DCAF8: variants seen among roughly 807,000 people sequenced by gnomAD.
DCAF8 encodes DDB1- and CUL4-associated factor 8.
Under a neutral mutation model 68.0 loss-of-function variants are expected in DCAF8, and 20 were observed. The ratio of observed to expected loss-of-function variants is 0.29; its 90% CI spans 0.21 to 0.43. The LOEUF (loss-of-function observed/expected upper bound fraction) is 0.43, where lower values mean the gene tolerates loss of function less well. Among genes scored for constraint, DCAF8 ranks in the 20% least tolerant of loss-of-function variants. The probability of loss-of-function intolerance (pLI) is 1.00; values close to 1 mark genes in which losing one functional copy is unlikely to be tolerated. For synonymous variants in DCAF8, 230 were observed against 276.9 expected (o/e 0.83, Z 1.68); for missense variants, 460 against 771.0 (o/e 0.60, Z 4.78).
At chr1:160,223,328 A>G (rs910048967) in intron 10 of DCAF8, among the ~76,000 whole-genome samples, 3 of 152,190 alleles carry the variant, frequency 2.0e-5, no homozygotes, top group African/African-American at 4.8e-5. Flanking sequence ...TGGCCATGAG[A>G]CTGGCACCCT....
At chr1:160,244,230 A>G (rs1656231421) in intron 2 of DCAF8, among the ~76,000 whole-genome samples, 196 bp from the exon 3 acceptor site, 1 of 152,224 alleles carries the variant, frequency 6.6e-6, no homozygotes, top group Non-Finnish European at 1.5e-5. Flanking sequence ...TAAAATCCAT[A>G]TAATGATATA....
At chr1:160,244,358 G>A (rs1656236199) in intron 2 of DCAF8, among the ~76,000 whole-genome samples, 1 of 152,194 alleles carries the variant, frequency 6.6e-6, no homozygotes, top group African/African-American at 2.4e-5. Context: ...CATATCAAAT[G>A]ACAGGTACTG....
chr1:160,233,565 A>C (rs911592318), intron 6 of DCAF8, among the ~76,000 whole-genome samples: 1 of 152,156 alleles, frequency 6.6e-6, no homozygotes, highest in African/African-American at 2.4e-5. Context: ...CTCTAATATG[A>C]GTTTTAGACA....
chr1:160,256,459 C>T (rs1234267600), intron 2 of DCAF8, among the ~76,000 whole-genome samples: 1 of 151,802 alleles, frequency 6.6e-6, no homozygotes, highest in East Asian at 1.9e-4. Context: ...GTAAGGTTAA[C>T]AAAACATACC....
intron 2 of DCAF8, among the ~76,000 whole-genome samples, chr1:160,257,893 C>CA (rs1553198835): frequency 5.3e-5 from 8 of 151,738 alleles, no homozygotes; most frequent in South Asian, 2.1e-4. Context: ...CCATGCTTGG[C>CA]TTTTTTTTTA....
At position 160,255,615 on chromosome 1, in the gene DCAF8, TG is replaced by T. The variant is rs892910303; in HGVS notation, c.-27+5669del. On this transcript the variant is annotated intron_variant, in intron 2 of 13. Transcript: ENST00000368074. The stretch of plus-strand genomic sequence containing the variant: ...TTTATAGTTTACTGGCTTTAATTAT[TG>T]TTTTTTTATTTTTATTTTTTTGAGA... 1.2e-4 allele frequency among the ~76,000 whole-genome samples: 18 copies of T among 152,276 alleles called. 1 individual carries two copies. Among genetic ancestry groups the T allele is most frequent in the Admixed American group, 9.8e-4 (15 of 15,290 alleles).
chr1:160,238,829 T>A (rs1180132362), intron 4 of DCAF8, 82 bp from the exon 5 acceptor site: 1 of 1,340,914 alleles, frequency 7.5e-7, no homozygotes, highest in Non-Finnish European at 1.0e-6. Context: ...GATGATGACC[T>A]CAACTTACCC....
rs1655393467 is a variant in DCAF8, at chr1:160,224,207, C to T, written c.1309+235G>A. Among the ~76,000 whole-genome samples, 5 of 152,336 alleles carry T rather than the reference C, an allele frequency of 3.3e-5. No individual in the cohort carries two copies. The South Asian group carries it at 1.0e-3, about 32-fold the overall frequency. ...ATCTTAAAAACAGTTAGTCTAGCCTCCTTATGTCCAAACCAATTAGAAGCA... is the reference window on the plus strand; with the variant it reads ...ATCTTAAAAACAGTTAGTCTAGCCTTCTTATGTCCAAACCAATTAGAAGCA... On this transcript the variant is annotated intron_variant, in intron 10 of 13. Transcript: ENST00000368074.
At chr1:160,247,542 C>T (rs942884475) in intron 2 of DCAF8, among the ~76,000 whole-genome samples, 1 of 152,168 alleles carries the variant, frequency 6.6e-6, no homozygotes, top group Non-Finnish European at 1.5e-5. Context: ...TAAGAGACTA[C>T]GTATCCCTTG....
intron 5 of DCAF8, among the ~76,000 whole-genome samples, chr1:160,238,360 C>T (rs1384121966): frequency 6.6e-6 from 1 of 152,142 alleles, no homozygotes; most frequent in Admixed American, 6.5e-5. Flanking sequence ...ATCTCCAAAC[C>T]AACTAGGGCT....
At chr1:160,234,344 C>T (rs1655798233) in intron 6 of DCAF8, among the ~76,000 whole-genome samples, 1 of 152,002 alleles carries the variant, frequency 6.6e-6, no homozygotes, top group Non-Finnish European at 1.5e-5. Flanking sequence ...ACTTTAAAGA[C>T]TCACTGTCTT....
Position 160,244,014 on chromosome 1 carries a change from A to G in DCAF8, c.-6T>C. On this transcript the variant is annotated 5_prime_UTR_variant, in exon 3 of 14. Coordinates refer to ENST00000368074, the MANE Select transcript of DCAF8 (RefSeq NM_015726.4). ...CTGCTCCCTTTGCTGGACATCTTGA[A>G]TGATGTTTGCTGTAGCCAGCCTGGG... The G allele has an allele frequency of 6.2e-7, 1 of 1,614,180 alleles. No individual in the cohort carries two copies. Among genetic ancestry groups the G allele is most frequent in the Non-Finnish European group, 8.5e-7 (1 of 1,180,020 alleles).
chr1:160,258,300 T>C (rs1207858635), intron 2 of DCAF8, among the ~76,000 whole-genome samples: 1 of 152,152 alleles, frequency 6.6e-6, no homozygotes, highest in Admixed American at 6.5e-5. Flanking sequence ...TGAGCCATGA[T>C]AGTGCCACTG....
At chr1:160,241,967 G>A (rs1174516739) in intron 3 of DCAF8, among the ~76,000 whole-genome samples, 1 of 152,196 alleles carries the variant, frequency 6.6e-6, no homozygotes, top group Non-Finnish European at 1.5e-5. Context: ...TGCAGGCTGG[G>A]CGCGGTGGCT....
At chr1:160,232,240 A>AGCCAG (rs1305988107) in intron 6 of DCAF8, among the ~76,000 whole-genome samples, 1 of 151,862 alleles carries the variant, frequency 6.6e-6, no homozygotes, top group African/African-American at 2.4e-5. Context: ...ACCCAACTTA[A>AGCCAG]GCCAGGCACT....
rs12145552 is a variant in DCAF8, at chr1:160,227,392, G to T, written c.1071-1729C>A. ...CGATCCTCCCGCCTCAACCTGCCGC[G>T]TAGCTGGGACTACAGGCACACACCA... On this transcript the variant is annotated intron_variant, in intron 7 of 13. Transcript: ENST00000368074. Among the ~76,000 whole-genome samples, 878 of 152,278 alleles carry T rather than the reference G, an allele frequency of 5.8e-3. 8 individuals are homozygous for T. Among genetic ancestry groups the T allele is most frequent in the Non-Finnish European group, 0.01 (683 of 68,024 alleles).
At position 160,216,354 on chromosome 1, in the gene DCAF8, A is replaced by C. The variant is rs1252509131; in HGVS notation, c.*1238T>G. The C allele has an allele frequency of 6.6e-6, 1 of 152,154 alleles. No individual in the cohort carries two copies. Among genetic ancestry groups the C allele is most frequent in the Non-Finnish European group, 1.5e-5 (1 of 68,050 alleles). The allele number at this position is 152,154 out of a possible 1,614,324, so 9.4% of individuals were successfully genotyped here. ...CATGTCTTCTGTCACAAAGTACCAC[A>C]ATAGTCTGCAGTGGTGGCACCACCC... On this transcript the variant is annotated 3_prime_UTR_variant, in exon 14 of 14. Transcript: ENST00000368074.
In DCAF8 at chr1:160,225,050, C is replaced by T; in HGVS notation, c.1201+12G>A. 1 of 1,614,124 alleles carries T rather than the reference C, an allele frequency of 6.2e-7. No individual in the cohort carries two copies. The highest frequency in any genetic ancestry group is 8.5e-7 in the Non-Finnish European group (1 of 1,179,962). ...GGCATGCCAGCCTAGGAGCTGGGCC[C>T]TGCTCACGTACCTGTGCCGTCGTGG... is the stretch of plus-strand genomic sequence containing the variant. On this transcript the variant is annotated intron_variant, in intron 9 of 13. Coordinates refer to ENST00000368074, the MANE Select transcript of DCAF8 (RefSeq NM_015726.4).
intron 11 of DCAF8, chr1:160,219,278 A>T: frequency 4.2e-6 from 1 of 240,486 alleles, no homozygotes. Context: ...TAAGAAGACA[A>T]TGAAATCCAG....
Sources: gnomAD v4.1 joint callset for allele counts (sites outside exome capture counted in the v4.1 genomes callset) on GRCh38, gnomAD v4.1.1 for gene constraint, MANE v1.5 for transcripts, NCBI Gene and HGNC (gene_info 2026-07-23, HGNC 2026-07-21) for gene names.